CAVIN1: variants seen among roughly 807,000 people sequenced by gnomAD.
The protein encoded by CAVIN1 is caveolae associated protein 1, also known as caveolae-associated protein 1.
In CAVIN1, 16 loss-of-function variants were observed where a neutral mutation model predicts 24.0. The observed-to-expected ratio is 0.67, with a 90% CI of 0.45 to 1.01. The LOEUF (loss-of-function observed/expected upper bound fraction) is 1.01, where lower values mean the gene tolerates loss of function less well. Among genes scored for constraint, CAVIN1 ranks in the 50% least tolerant of loss-of-function variants. The probability of loss-of-function intolerance (pLI) is 0.00; values close to 1 mark genes in which losing one functional copy is unlikely to be tolerated. For synonymous variants in CAVIN1, 256 were observed against 256.4 expected, an observed-to-expected ratio of 1.00 and a Z score of 0.02; for missense variants, 510 against 551.7, an observed-to-expected ratio of 0.92 and a Z score of 0.76.
intron 1 of CAVIN1, among the ~76,000 whole-genome samples, chr17:42,412,629 T>C (rs1043251877): frequency 4.0e-5 from 6 of 151,376 alleles, no homozygotes; most frequent in Admixed American, 4.0e-4. Flanking sequence ...TTTTATTTTA[T>C]TTTTTTGAGA....
Position 42,414,423 on chromosome 17 carries a change from AAGAT to A in CAVIN1, c.471+8200_471+8203del, listed in dbSNP as rs747494046. Among the ~76,000 whole-genome samples the A allele has an allele frequency of 2.3e-3, 350 of 151,234 alleles. 3 individuals are homozygous for A. The highest frequency in any genetic ancestry group is 0.012 in the Admixed American group (179 of 15,204). ...AAAACCAAGCTCTATTTTTTTTTTTAAGATAGAGTCTCTCTATGCTGTCCAACCT... is the reference window on the plus strand; with the variant it reads ...AAAACCAAGCTCTATTTTTTTTTTTAAGAGTCTCTCTATGCTGTCCAACCT... On this transcript the variant is annotated intron_variant, in intron 1 of 1. Coordinates refer to ENST00000357037, the MANE Select transcript of CAVIN1 (RefSeq NM_012232.6).
chr17:42,410,999 G>A (rs72823047), intron 1 of CAVIN1, among the ~76,000 whole-genome samples: 21,762 of 145,758 alleles, frequency 0.15, 1,841 homozygotes, highest in East Asian at 0.37. Flanking sequence ...CAGATCACCT[G>A]AGGTCAGGAG....
intron 1 of CAVIN1, among the ~76,000 whole-genome samples, chr17:42,417,246 G>A (rs1358757920): frequency 6.6e-6 from 1 of 152,104 alleles, no homozygotes; most frequent in Admixed American, 6.6e-5. Context: ...TTGAGGCCAG[G>A]AGTTCGAGAC....
chr17:42,405,200 A>G lies in CAVIN1; in HGVS notation c.660T>C (p.Arg220=), dbSNP rs1208066588. The change falls in exon 2 of 2, where the codon CGT becomes CGC. Residue 220 remains arginine (R), a synonymous_variant. Transcript: ENST00000357037. ...CGCGCCGCAGGCCGCTGCGCTTGAT[A>G]CGCTCTGCGCGGGACTCCTCAATAA... is the stretch of plus-strand genomic sequence containing the variant. ...EEVIEESRAE[R]IKRSGLRRVD... is the part of the protein sequence containing the mutation. The G allele has an allele frequency of 2.5e-6, 4 of 1,613,732 alleles. No individual in the cohort carries two copies. The highest frequency in any genetic ancestry group is 1.7e-5 in the Admixed American group (1 of 59,980).
At chr17:42,420,442 C>A (rs1430306993) in intron 1 of CAVIN1, among the ~76,000 whole-genome samples, 1 of 152,212 alleles carries the variant, frequency 6.6e-6, no homozygotes, top group Admixed American at 6.5e-5. Context: ...CAAGCCTCAC[C>A]CCATTTGCTG....
At chr17:42,405,673 T>TCG (rs2085440543) in intron 1 of CAVIN1, among the ~76,000 whole-genome samples, 1 of 114,712 alleles carries the variant, frequency 8.7e-6, no homozygotes, top group Admixed American at 1.1e-4. Flanking sequence ...TTTCTCTCTC[T>TCG]CTCTCCTTGT....
intron 1 of CAVIN1, among the ~76,000 whole-genome samples, chr17:42,420,288 G>A (rs888993221): frequency 2.0e-5 from 3 of 152,188 alleles, no homozygotes; most frequent in Non-Finnish European, 2.9e-5. Flanking sequence ...TAATAGGCCT[G>A]CCAAGGCACA....
At chr17:42,410,892 CAAAAAAAAAA>C (rs774857493) in intron 1 of CAVIN1, among the ~76,000 whole-genome samples, 1 of 76,374 alleles carries the variant, frequency 1.3e-5, no homozygotes, top group Non-Finnish European at 2.5e-5. Context: ...GACTCTGTCT[CAAAAAAAAAA>C]AAAAAAAAAA....
chr17:42,410,984 C>T (rs1043998312), intron 1 of CAVIN1, among the ~76,000 whole-genome samples: 3 of 137,946 alleles, frequency 2.2e-5, no homozygotes, highest in Non-Finnish European at 3.1e-5. Context: ...TTTTGGGAGG[C>T]GGGGCAGATC....
intron 1 of CAVIN1, among the ~76,000 whole-genome samples, chr17:42,409,450 A>T (rs1266213084): frequency 6.6e-6 from 1 of 152,064 alleles, no homozygotes; most frequent in African/African-American, 2.4e-5. Flanking sequence ...CCAGTAAGGG[A>T]TCTGGGGGCT....
chr17:42,404,801 C>T lies in CAVIN1; in HGVS notation c.1059G>A (p.Ala353=). Residue 353 remains alanine (A), a synonymous_variant, in exon 2 of 2, where the codon GCG becomes GCA. Transcript: ENST00000357037. ...GCAGGTCGCCGGCCTCCCCGCGCTC[C>T]GCGCCGCCCTCGTCGTCGTCGGCGC... is the stretch of plus-strand genomic sequence containing the variant. ...EVGADDDEGG[A]ERGEAGDLRR... is the part of the protein sequence containing the mutation. 6.2e-7 allele frequency: 1 copy of T among 1,606,500 alleles called. No individual in the cohort carries two copies. The highest frequency in any genetic ancestry group is 1.1e-5 in the South Asian group (1 of 90,512).
chr17:42,405,530 G>T (rs375301500), intron 1 of CAVIN1, 142 bp from the exon 2 acceptor site: 1 of 828,576 alleles, frequency 1.2e-6, no homozygotes, highest in Non-Finnish European at 2.0e-6. Context: ...CTCAATAAAT[G>T]TGTGTAGGCT....
At chr17:42,418,448 C>A (rs1298237131) in intron 1 of CAVIN1, among the ~76,000 whole-genome samples, 2 of 152,060 alleles carry the variant, frequency 1.3e-5, no homozygotes, top group Non-Finnish European at 2.9e-5. Flanking sequence ...TCAGGCTGGT[C>A]TCGAACTCCC....
intron 1 of CAVIN1, chr17:42,412,116 C>T: frequency 1.0e-6 from 1 of 985,310 alleles, no homozygotes; most frequent in Non-Finnish European, 1.2e-6. Context: ...ATGGCAGTGC[C>T]CTAGGCGTCT....
chr17:42,417,497 TCCTATCA>T (rs984855690), intron 1 of CAVIN1, among the ~76,000 whole-genome samples: 3 of 148,260 alleles, frequency 2.0e-5, no homozygotes, highest in Non-Finnish European at 4.5e-5. Context: ...GATAAAAAAT[TCCTATCA>T]CCTAATAACA....
chr17:42,409,017 C>A (rs1414142716), intron 1 of CAVIN1, among the ~76,000 whole-genome samples: 1 of 152,042 alleles, frequency 6.6e-6, no homozygotes, highest in East Asian at 1.9e-4. Context: ...TTCTCAAACT[C>A]CTGACCTCAA....
chr17:42,419,453 G>A (rs1446720886), intron 1 of CAVIN1, among the ~76,000 whole-genome samples: 1 of 151,904 alleles, frequency 6.6e-6, no homozygotes, highest in East Asian at 1.9e-4. Flanking sequence ...ACCAGGATTA[G>A]AGGTGCTCAC....
In CAVIN1 at chr17:42,422,669, G is replaced by T; in HGVS notation, c.429C>A (p.Ala143=). ...GQIKKLEVNE[A]ELLRRRNFKV... is the part of the protein sequence containing the mutation. ...TAAAGTTGCGGCGCCGCAGCAGCTC[G>T]GCCTCGTTGACCTCCAGCTTCTTGA... The change falls in exon 1 of 2, where the codon GCC becomes GCA. Residue 143 remains alanine, a synonymous_variant. Transcript: ENST00000357037. 6.2e-7 allele frequency: 1 copy of T among 1,602,894 alleles called. No individual in the cohort carries two copies. The highest frequency in any genetic ancestry group is 8.5e-7 in the Non-Finnish European group (1 of 1,175,196).
At position 42,404,920 on chromosome 17, in the gene CAVIN1, CG is replaced by C. The variant is rs1447756989; in HGVS notation, c.939del (p.Ala314ArgfsTer105). ...GTGAAGGGTGGCACCTTGTAGACCG[CG>C]GTCTTGGAGCGCGCGTACACCACGT... Reference protein sequence around the residue: ...PDHVVYARSKTAVYKVPPFTF... With the variant: ...PDHVVYARSKXAVYKVPPFTF... On this transcript the variant is annotated frameshift_variant, in exon 2 of 2. Transcript: ENST00000357037. LOFTEE classifies it high-confidence loss of function. The C allele has an allele frequency of 6.2e-7, 1 of 1,614,088 alleles. No homozygotes were observed. The highest frequency in any genetic ancestry group is 1.1e-5 in the South Asian group (1 of 91,092).
Sources: allele counts gnomAD v4.1 joint callset (sites outside exome capture counted in the v4.1 genomes callset), GRCh38; gene constraint gnomAD v4.1.1; transcripts MANE v1.5; gene names NCBI Gene and HGNC (gene_info 2026-07-23, HGNC 2026-07-21).